SLC41A2: variants seen among roughly 807,000 people sequenced by gnomAD.
The protein encoded by SLC41A2 is SLC41A1-like 1.
SLC41A2 carries 32 observed loss-of-function variants against 58.3 expected under a neutral mutation model. The observed-to-expected ratio is 0.55, with a 90% CI of 0.41 to 0.74. The LOEUF is 0.74. Among genes scored for constraint, SLC41A2 ranks in the 30% least tolerant of loss-of-function variants. The probability of loss-of-function intolerance (pLI) is 0.00; values close to 1 mark genes in which losing one functional copy is unlikely to be tolerated. For synonymous variants in SLC41A2, 190 were observed against 235.0 expected (o/e 0.81, Z 1.75); for missense variants, 514 against 680.6 (o/e 0.76, Z 2.72).
chr12:104,879,538 T>C (rs1565866899), intron 6 of SLC41A2, among the ~76,000 whole-genome samples: 1 of 152,218 alleles, frequency 6.6e-6, no homozygotes. Flanking sequence ...CCCAGCATCA[T>C]TTATTGAATA....
intron 1 of SLC41A2, among the ~76,000 whole-genome samples, chr12:104,939,950 A>G (rs952522689): frequency 6.6e-6 from 1 of 152,108 alleles, no homozygotes; most frequent in Non-Finnish European, 1.5e-5. Context: ...GCCACTCTGC[A>G]AGGGTACCTT....
chr12:104,865,727 T>C (rs1354154372), intron 7 of SLC41A2, among the ~76,000 whole-genome samples: 1 of 152,190 alleles, frequency 6.6e-6, no homozygotes, highest in African/African-American at 2.4e-5. Flanking sequence ...TTTCTTAATC[T>C]AACATGTTTA....
chr12:104,803,300 A>AACTT lies in SLC41A2; in HGVS notation c.*1848_*1851dup, dbSNP rs2040762102. 6.6e-6 allele frequency: 1 copy of AACTT among 152,134 alleles called. No homozygotes were observed. Among genetic ancestry groups the AACTT allele is most frequent in the Non-Finnish European group, 1.5e-5 (1 of 68,010 alleles). The allele number at this position is 152,134 out of a possible 1,614,324, so 9.4% of individuals were successfully genotyped here. ...TTGCAGCTAAATATTCATCAACTTA[A>AACTT]ACTTATTCTTTCTTTTATAAGAATG... On this transcript the variant is annotated 3_prime_UTR_variant, in exon 11 of 11. Transcript: ENST00000258538.
chr12:104,805,169 C>T lies in SLC41A2; in HGVS notation c.1705G>A (p.Gly569Arg), dbSNP rs1183844267. Residue 569 changes from glycine to arginine, a missense_variant, in exon 11 of 11, where the codon GGA becomes AGA. By Grantham distance (125) the Gly-to-Arg change is moderately radical (BLOSUM62 -2). Around this residue, in one of 3 missense-constraint regions of SLC41A2, gnomAD observed 128 missense variants for 146.0 expected, o/e 0.88. Transcript: ENST00000258538. Reference sequence around the variant, plus strand: ...AGAATTTATTAGTCTCCAACATCTCCATCTCGATCTCCAATAAGCCAAAGA... The same window carrying T: ...AGAATTTATTAGTCTCCAACATCTCTATCTCGATCTCCAATAAGCCAAAGA... ...HFLWLIGDRD[G>R]DVGD 3.7e-6 allele frequency: 6 copies of T among 1,610,840 alleles called. No homozygotes were observed. The highest frequency in any genetic ancestry group is 1.3e-5 in the African/African-American group (1 of 74,836).
chr12:104,861,486 T>C (rs548578339), intron 7 of SLC41A2, 116 bp from the exon 8 acceptor site: 94 of 561,592 alleles, frequency 1.7e-4, no homozygotes, highest in Middle Eastern at 1.5e-3. Context: ...ATTTTAAAAA[T>C]AGAGCAAAAA....
At chr12:104,845,759 C>T in intron 9 of SLC41A2, 84 bp downstream of exon 9, 1 of 1,384,184 alleles carries the variant, frequency 7.2e-7, no homozygotes. Flanking sequence ...TCACAAAACA[C>T]ATATTCAATA....
intron 10 of SLC41A2, among the ~76,000 whole-genome samples, chr12:104,818,854 G>A (rs758553187): frequency 7.9e-5 from 12 of 151,668 alleles, no homozygotes; most frequent in East Asian, 3.9e-4. Flanking sequence ...TCCAGCCTGG[G>A]CGACAGGGCA....
intron 8 of SLC41A2, among the ~76,000 whole-genome samples, chr12:104,858,580 G>T (rs1343073177): frequency 6.6e-6 from 1 of 152,170 alleles, no homozygotes; most frequent in East Asian, 1.9e-4. Flanking sequence ...ATTCTCAAAA[G>T]TTCCATCTTA....
intron 3 of SLC41A2, among the ~76,000 whole-genome samples, chr12:104,902,103 G>T (rs1377570196): frequency 6.6e-6 from 1 of 152,100 alleles, no homozygotes; most frequent in South Asian, 2.1e-4. Context: ...CATAAAAAAT[G>T]TAAAATGTTT....
At chr12:104,869,091 C>G (rs916854844) in intron 6 of SLC41A2, among the ~76,000 whole-genome samples, 10 of 152,136 alleles carry the variant, frequency 6.6e-5, no homozygotes, top group African/African-American at 2.4e-4. Flanking sequence ...CCTCAAATCC[C>G]TGGGCTCAAG....
chr12:104,920,200 T>G (rs527580629), intron 2 of SLC41A2, among the ~76,000 whole-genome samples: 1 of 152,238 alleles, frequency 6.6e-6, no homozygotes, highest in Non-Finnish European at 1.5e-5. Context: ...TCTAATATCA[T>G]GCAGTCTGGA....
chr12:104,854,014 C>T (rs186375811), intron 8 of SLC41A2, among the ~76,000 whole-genome samples: 1 of 149,316 alleles, frequency 6.7e-6, no homozygotes, highest in East Asian at 2.0e-4. Flanking sequence ...ACCTCCTTGG[C>T]CTCCCAAAGT....
rs962769718 is a variant in SLC41A2, at chr12:104,938,072, G to A, written c.-167-9378C>T. On this transcript the variant is annotated intron_variant, in intron 1 of 10. Transcript: ENST00000258538. ...TCACACTGTACACCGGAAGACACAT[G>A]AAAGAATGTTCTTGGTAGCATTATC... Among the ~76,000 whole-genome samples, 5 of 151,794 alleles carry A rather than the reference G, an allele frequency of 3.3e-5. No individual in the cohort carries two copies. The East Asian group carries it at 9.7e-4, about 29-fold the overall frequency.
intron 10 of SLC41A2, among the ~76,000 whole-genome samples, chr12:104,841,717 A>T (rs1252228352): frequency 6.6e-6 from 1 of 152,126 alleles, no homozygotes; most frequent in Admixed American, 6.5e-5. Context: ...TGTCATTATA[A>T]TAAGTGCAAT....
At chr12:104,814,529 TATACATGAC>T (rs1161226603) in intron 10 of SLC41A2, among the ~76,000 whole-genome samples, 1 of 152,120 alleles carries the variant, frequency 6.6e-6, no homozygotes, top group Non-Finnish European at 1.5e-5. Context: ...GCAAAATACT[TATACATGAC>T]AAATGAAACA....
At position 104,928,369 on chromosome 12, in the gene SLC41A2, G is replaced by T. The variant is rs762306892; in HGVS notation, c.159C>A (p.Asn53Lys). Residue 53 changes from asparagine (N) to lysine (K), a missense_variant, in exon 2 of 11, where the codon AAC becomes AAA. This residue lies in a region of SLC41A2 where 336 missense variants were observed against 430.0 expected (regional missense o/e 0.78). Coordinates refer to ENST00000258538, the MANE Select transcript of SLC41A2 (RefSeq NM_001352171.3). The part of the protein sequence containing the change: ...LSMVPVIYQK[N>K]QEDRHKKANG... ...TTGCTTTTTTGTGCCTGTCTTCTTG[G>T]TTTTTCTGGTAAATCACTGGAACCA... 1.3e-6 allele frequency: 2 copies of T among 1,596,778 alleles called. No homozygotes were observed. Among genetic ancestry groups the T allele is most frequent in the African/African-American group, 2.7e-5 (2 of 74,352 alleles).
intron 4 of SLC41A2, among the ~76,000 whole-genome samples, chr12:104,892,610 T>C (rs1249789837): frequency 6.6e-6 from 1 of 152,128 alleles, no homozygotes; most frequent in Non-Finnish European, 1.5e-5. Context: ...CTTCAAATTA[T>C]GCTACAGAGC....
At chr12:104,942,568 A>G (rs1844841556) in intron 1 of SLC41A2, among the ~76,000 whole-genome samples, 2 of 151,976 alleles carry the variant, frequency 1.3e-5, no homozygotes, top group African/African-American at 4.8e-5. Context: ...CTCCTCCCCT[A>G]TACAGTCACA....
intron 6 of SLC41A2, among the ~76,000 whole-genome samples, chr12:104,870,707 C>T (rs997758156): frequency 7.2e-5 from 11 of 152,114 alleles, no homozygotes; most frequent in African/African-American, 9.7e-5. Flanking sequence ...ATATTGTTGA[C>T]GGCATTTCCC....
Sources: gnomAD v4.1 joint callset for allele counts (sites outside exome capture counted in the v4.1 genomes callset) on GRCh38, gnomAD v4.1.1 for gene constraint, gnomAD v4.1.1 regional missense constraint, MANE v1.5 for transcripts, NCBI Gene and HGNC (gene_info 2026-07-23, HGNC 2026-07-21) for gene names.